The following ADCY9 variants were observed in gnomAD, a reference collection of about 807,000 sequenced individuals.
ADCY9 encodes the protein adenylate cyclase type 9.
ADCY9 carries 50 observed loss-of-function variants against 101.5 expected under a neutral mutation model. The ratio of observed to expected loss-of-function variants is 0.49; its 90% CI spans 0.39 to 0.62. The LOEUF is 0.62. Ranked by LOEUF, ADCY9 falls within the 20% of genes least tolerant of loss-of-function variation. The pLI is 0.00. For synonymous variants in ADCY9, 905 were observed against 769.3 expected, an observed-to-expected ratio of 1.18 and a Z score of -2.92; for missense variants, 1,662 against 1,800.4, an observed-to-expected ratio of 0.92 and a Z score of 1.39.
intron 3 of ADCY9, among the ~76,000 whole-genome samples, chr16:4,004,938 C>T (rs1386567067): frequency 6.6e-6 from 1 of 152,154 alleles, no homozygotes; most frequent in Non-Finnish European, 1.5e-5. Flanking sequence ...CTTCAGGGAA[C>T]GTTTCCTGAA....
At chr16:4,046,698 C>T (rs1489314435) in intron 2 of ADCY9, among the ~76,000 whole-genome samples, 1 of 152,154 alleles carries the variant, frequency 6.6e-6, no homozygotes. Context: ...TCACGCAGAT[C>T]ATCTTAAAGC....
At chr16:4,038,633 C>G (rs2056606366) in intron 2 of ADCY9, among the ~76,000 whole-genome samples, 1 of 152,236 alleles carries the variant, frequency 6.6e-6, no homozygotes, top group East Asian at 1.9e-4. Context: ...AGTATGAAGT[C>G]AGCATGGTTT....
chr16:3,963,252 C>G lies in ADCY9; in HGVS notation c.*2523G>C, dbSNP rs1023619326. On this transcript the variant is annotated 3_prime_UTR_variant, in exon 11 of 11. Coordinates refer to ENST00000294016, the MANE Select transcript of ADCY9 (RefSeq NM_001116.4). ...GAAGTATTGCTTCCTGCCCTAAGTT[C>G]CTAAGAGGTATTGCCACCCTGAAGC... The G allele has an allele frequency of 1.5e-5, 6 of 397,536 alleles. No homozygotes were observed. The highest frequency in any genetic ancestry group is 1.2e-4 in the African/African-American group (6 of 48,434). The allele number at this position is 397,536 out of a possible 1,614,324, so 24.6% of individuals were successfully genotyped here.
chr16:4,104,649 G>A (rs2057064674), intron 2 of ADCY9, among the ~76,000 whole-genome samples: 1 of 151,966 alleles, frequency 6.6e-6, no homozygotes, highest in East Asian at 1.9e-4. Flanking sequence ...CTTGTTGAAT[G>A]TTTCTACAGA....
intron 2 of ADCY9, among the ~76,000 whole-genome samples, chr16:4,098,177 T>C (rs1451204526): frequency 3.3e-5 from 5 of 152,032 alleles, no homozygotes; most frequent in Admixed American, 3.3e-4. Context: ...GGGGGAGGAC[T>C]CCTCAGTCTG....
At chr16:3,969,614 T>TATATATATATATATACGTA (rs1567414929) in intron 10 of ADCY9, among the ~76,000 whole-genome samples, 4 of 50,718 alleles carry the variant, frequency 7.9e-5, no homozygotes, top group African/African-American at 3.2e-4. Context: ...ATATATGTAT[T>TATATATATATATATACGTA]TTTTTTTTTT....
At position 3,965,742 on chromosome 16, in the gene ADCY9, A is replaced by G. The variant is rs767642087; in HGVS notation, c.*33T>C. ...TACAAATATTACTGTGTTTCGACAA[A>G]CAGAGCACCTCGGGCAGCGGGTGGG... On this transcript the variant is annotated 3_prime_UTR_variant, in exon 11 of 11. Transcript: ENST00000294016. 3.8e-6 allele frequency: 6 copies of G among 1,576,602 alleles called. No individual in the cohort carries two copies. The Admixed American group carries it at 7.2e-5, about 19-fold the overall frequency.
chr16:4,093,497 G>A (rs1439293518), intron 2 of ADCY9, among the ~76,000 whole-genome samples: 1 of 152,060 alleles, frequency 6.6e-6, no homozygotes, highest in Non-Finnish European at 1.5e-5. Context: ...AAAATGAAAT[G>A]GCTAAATCTC....
chr16:4,059,158 G>A lies in ADCY9; in HGVS notation c.1694-51600C>T, dbSNP rs534643330. ...CCCAGCACTCTGGGAGGCCGAGGTG[G>A]GCAGATCACCTGAGGTCAGGAGTTC... On this transcript the variant is annotated intron_variant, in intron 2 of 10. Coordinates refer to ENST00000294016, the MANE Select transcript of ADCY9 (RefSeq NM_001116.4). Among the ~76,000 whole-genome samples, 15 of 152,070 alleles carry A rather than the reference G, an allele frequency of 9.9e-5. No individual in the cohort carries two copies. In the South Asian group the frequency reaches 1.9e-3, roughly 19 times the overall value.
intron 2 of ADCY9, among the ~76,000 whole-genome samples, chr16:4,058,678 G>T (rs2056756286): frequency 6.6e-6 from 1 of 152,060 alleles, no homozygotes; most frequent in Non-Finnish European, 1.5e-5. Flanking sequence ...AGGATAAAAG[G>T]CCAGGGAACA....
chr16:3,987,002 C>T (rs2056198784), intron 6 of ADCY9, among the ~76,000 whole-genome samples: 1 of 152,268 alleles, frequency 6.6e-6, no homozygotes, highest in Admixed American at 6.5e-5. Flanking sequence ...CACTCCTGCC[C>T]CACCCTGCCC....
chr16:3,985,473 A>G (rs946041925), intron 6 of ADCY9, among the ~76,000 whole-genome samples: 5 of 151,714 alleles, frequency 3.3e-5, no homozygotes, highest in Non-Finnish European at 5.9e-5. Flanking sequence ...GCCCATGCCC[A>G]CTCACCTTGG....
In ADCY9 at chr16:4,078,554, C is replaced by T. The variant is rs556612663; in HGVS notation, c.1693+35196G>A. On this transcript the variant is annotated intron_variant, in intron 2 of 10. Transcript: ENST00000294016. ...GCCTGCCTAGAGTGAGACCCTGTCT[C>T]AAAAAAAGAAAAAAAAAAAAGAAAA... Among the ~76,000 whole-genome samples the T allele has an allele frequency of 4.0e-4, 40 of 98,836 alleles. No homozygotes were observed. The South Asian group carries it at 0.016, about 40-fold the overall frequency. The allele number at this position is 98,836 out of a possible 152,430, so 64.8% of individuals were successfully genotyped here.
At chr16:3,984,616 T>C (rs552857546) in intron 6 of ADCY9, among the ~76,000 whole-genome samples, 47 of 152,308 alleles carry the variant, frequency 3.1e-4, no homozygotes, top group South Asian at 1.7e-3. Flanking sequence ...GGACTTGGCA[T>C]GGACCGGTTG....
chr16:4,030,356 A>C (rs1157675178), intron 2 of ADCY9, among the ~76,000 whole-genome samples: 1 of 152,142 alleles, frequency 6.6e-6, no homozygotes, highest in Non-Finnish European at 1.5e-5. Flanking sequence ...AGCAACAGGC[A>C]ACAGGAATGA....
intron 2 of ADCY9, among the ~76,000 whole-genome samples, chr16:4,057,049 C>G (rs1303461892): frequency 1.1e-4 from 15 of 132,054 alleles, no homozygotes; most frequent in African/African-American, 3.0e-4. Flanking sequence ...CCCCCCCCCC[C>G]CCCGCCAATC....
In ADCY9 at chr16:4,076,127, G is replaced by A. The variant is rs555005054; in HGVS notation, c.1693+37623C>T. ...GAGGATCACTTGAGCCCACGAGTTC[G>A]AGGCTGCAGTGCGCTACCATCACAC... On this transcript the variant is annotated intron_variant, in intron 2 of 10. Transcript: ENST00000294016. Among the ~76,000 whole-genome samples the A allele has an allele frequency of 9.7e-4, 148 of 152,256 alleles. 4 individuals are homozygous for A. In the South Asian group the frequency reaches 0.027, roughly 28 times the overall value.
chr16:4,023,460 T>G (rs570809221), intron 2 of ADCY9, among the ~76,000 whole-genome samples: 59 of 151,810 alleles, frequency 3.9e-4, no homozygotes, highest in African/African-American at 1.4e-3. Context: ...GGTGTAGGTC[T>G]GGGGAAGGCA....
intron 2 of ADCY9, among the ~76,000 whole-genome samples, chr16:4,020,477 A>G (rs2056467554): frequency 6.6e-6 from 1 of 152,316 alleles, no homozygotes; most frequent in Middle Eastern, 3.4e-3. Context: ...ATTTAGACGC[A>G]AATACGAGAG....
Sources: allele counts gnomAD v4.1 joint callset (sites outside exome capture counted in the v4.1 genomes callset), GRCh38; gene constraint gnomAD v4.1.1; transcripts MANE v1.5; gene names NCBI Gene and HGNC (gene_info 2026-07-23, HGNC 2026-07-21).